EPC1: variants seen among roughly 807,000 people sequenced by gnomAD.
The protein encoded by EPC1 is enhancer of polycomb 1.
In EPC1, 12 loss-of-function variants were observed where a neutral mutation model predicts 98.4. The observed-to-expected ratio is 0.12, with a 90% CI of 0.08 to 0.20. EPC1 has a LOEUF of 0.20. Among genes scored for constraint, EPC1 ranks in the 10% least tolerant of loss-of-function variants. EPC1 has a pLI of 1.00. For missense variants in EPC1, 729 were observed against 990.5 expected (o/e 0.74, Z 3.54); for synonymous variants, 357 against 363.9 (o/e 0.98, Z 0.21).
At position 32,284,792 on chromosome 10, in the gene EPC1, A is replaced by G. The variant is rs1749883098; in HGVS notation, c.1650T>C (p.Tyr550=). ...DNDELSCRKL[Y]RSINRTGTAQ... The stretch of plus-strand genomic sequence containing the variant: ...CTGTTCCTGTTCGGTTTATACTCCT[A>G]TATAATTTTCTACAGGAGAGTTCAT... The change falls in exon 10 of 14, where the codon TAT becomes TAC. Residue 550 remains tyrosine (Y), a synonymous_variant. Coordinates refer to ENST00000319778, the MANE Select transcript of EPC1 (RefSeq NM_001272004.3). 5 of 1,614,132 alleles carry G rather than the reference A, an allele frequency of 3.1e-6. No homozygotes were observed. Among genetic ancestry groups the G allele is most frequent in the Non-Finnish European group, 1.7e-6 (2 of 1,179,996 alleles).
Position 32,269,087 on chromosome 10 carries a change from G to C in EPC1, c.2418C>G (p.Asn806Lys). 5.0e-6 allele frequency: 8 copies of C among 1,613,888 alleles called. No individual in the cohort carries two copies. Among genetic ancestry groups the C allele is most frequent in the Admixed American group, 1.7e-5 (1 of 60,002 alleles). Residue 806 changes from asparagine (N) to lysine (K), a missense_variant, in exon 14 of 14, where the codon AAC becomes AAG. Asn to Lys is a moderately conservative substitution (Grantham distance 94). Transcript: ENST00000319778. ...GCTACGTCACCTCCATCGCTACTGTGTTGTCTGCTATGTTGTTCAGTGCTG... is the reference window on the plus strand; with the variant it reads ...GCTACGTCACCTCCATCGCTACTGTCTTGTCTGCTATGTTGTTCAGTGCTG... ...EKPALNNIAD[N>K]TVAMEVT
chr10:32,369,545 T>C (rs1839691262), intron 1 of EPC1, among the ~76,000 whole-genome samples: 1 of 152,230 alleles, frequency 6.6e-6, no homozygotes, highest in Admixed American at 6.5e-5. Context: ...AAAAATTTAC[T>C]TGGGAAGACA....
chr10:32,354,186 A>G (rs1312892377), intron 1 of EPC1, among the ~76,000 whole-genome samples: 2 of 152,234 alleles, frequency 1.3e-5, no homozygotes, highest in Admixed American at 6.5e-5. Context: ...CAAATTATCA[A>G]TCTTAGCAAA....
At chr10:32,321,399 G>A (rs1476681177) in intron 1 of EPC1, among the ~76,000 whole-genome samples, 1 of 151,838 alleles carries the variant, frequency 6.6e-6, no homozygotes, top group Non-Finnish European at 1.5e-5. Flanking sequence ...AGGCTGGAGT[G>A]CAGTGGCTAT....
intron 10 of EPC1, among the ~76,000 whole-genome samples, chr10:32,275,926 G>C (rs1251742935): frequency 6.6e-6 from 1 of 150,674 alleles, no homozygotes; most frequent in Non-Finnish European, 1.5e-5. Flanking sequence ...GACAGAGTGA[G>C]ACTCCGTCTC....
Position 32,346,984 on chromosome 10 carries a change from G to A in EPC1, c.-69C>T. ...GGCCAGCGGGATCATGGAGAACCGG[G>A]GGTTCGGTCCCCACTCGCCAACCGC... On this transcript the variant is annotated 5_prime_UTR_variant, in exon 1 of 14. Coordinates refer to ENST00000319778, the MANE Select transcript of EPC1 (RefSeq NM_001272004.3). The A allele has an allele frequency of 6.3e-7, 1 of 1,584,144 alleles. No homozygotes were observed. Among genetic ancestry groups the A allele is most frequent in the South Asian group, 1.1e-5 (1 of 88,636 alleles).
chr10:32,298,328 T>G (rs1342091874), intron 2 of EPC1, among the ~76,000 whole-genome samples: 1 of 152,104 alleles, frequency 6.6e-6, no homozygotes, highest in Admixed American at 6.6e-5. Flanking sequence ...TCAAACAGCG[T>G]TTTAAAAATA....
At chr10:32,357,851 ATTTTTTTT>A (rs58968767) in intron 1 of EPC1, among the ~76,000 whole-genome samples, 5 of 124,588 alleles carry the variant, frequency 4.0e-5, no homozygotes, top group African/African-American at 1.6e-4. Flanking sequence ...TTCTCAATAA[ATTTTTTTT>A]TTTTTTTTTT....
chr10:32,297,171 T>C (rs1835216798), intron 2 of EPC1, among the ~76,000 whole-genome samples: 1 of 152,066 alleles, frequency 6.6e-6, no homozygotes, highest in African/African-American at 2.4e-5. Flanking sequence ...CTGGGTCATG[T>C]TATTGGATGT....
chr10:32,323,925 G>T (rs1486955248), intron 1 of EPC1, among the ~76,000 whole-genome samples: 3 of 152,006 alleles, frequency 2.0e-5, no homozygotes, highest in Admixed American at 2.0e-4. Context: ...ATTGTTATTA[G>T]AAATAGTTTA....
At position 32,273,428 on chromosome 10, in the gene EPC1, T is replaced by C. The variant is rs969331778; in HGVS notation, c.1745-147A>G. ...GATCCTGCTAAAGATCACTTCCAAA[T>C]GAAAATTTCTGCGTTTCTGCTACCA... On this transcript the variant is annotated intron_variant, in intron 10 of 13. Coordinates refer to ENST00000319778, the MANE Select transcript of EPC1 (RefSeq NM_001272004.3). 5.8e-6 allele frequency: 6 copies of C among 1,026,788 alleles called. No homozygotes were observed. In the East Asian group the frequency reaches 8.5e-5, roughly 15 times the overall value. 63.6% of individuals were successfully genotyped at this position (1,026,788 alleles called of 1,614,324 possible). A position where few individuals can be genotyped will look rare whatever the true frequency, so the allele number is the denominator to read the frequency against.
chr10:32,358,650 G>T (rs1034575798), intron 1 of EPC1, among the ~76,000 whole-genome samples: 1 of 149,298 alleles, frequency 6.7e-6, no homozygotes, highest in Non-Finnish European at 1.5e-5. Context: ...AAAAAAAAGC[G>T]GGGGCGGGGG....
At position 32,286,981 on chromosome 10, in the gene EPC1, T is replaced by C. The variant is rs1326797599; in HGVS notation, c.1187A>G (p.Asn396Ser). The change falls in exon 8 of 14, where the codon AAT becomes AGT. Residue 396 changes from asparagine to serine, a missense_variant. This residue lies in a region of EPC1 where 390 missense variants were observed against 438.6 expected (regional missense o/e 0.89). Transcript: ENST00000319778. ...GAAAGCAAAAGGACCATCAGGATCA[T>C]TGTCTTCCTCAGCTTCCGAAGAGCC... is the stretch of plus-strand genomic sequence containing the variant. ...LSGSSEAEED[N>S]DPDGPFAFRR... 3.1e-6 allele frequency: 5 copies of C among 1,614,038 alleles called. No homozygotes were observed. In the African/African-American group the frequency reaches 5.3e-5, roughly 17 times the overall value.
intron 1 of EPC1, among the ~76,000 whole-genome samples, chr10:32,327,693 TG>T (rs139618979): frequency 0.018 from 2,758 of 152,296 alleles, 82 homozygotes; most frequent in African/African-American, 0.062. Flanking sequence ...CTAGGCTATA[TG>T]GTATAGCTTA....
At chr10:32,278,169 T>C (rs188992491) in intron 10 of EPC1, among the ~76,000 whole-genome samples, 38 of 151,646 alleles carry the variant, frequency 2.5e-4, no homozygotes, top group African/African-American at 9.2e-4. Context: ...GCCTCTCAAG[T>C]AGCTGGGATT....
chr10:32,335,900 T>A (rs1837931725), intron 1 of EPC1, among the ~76,000 whole-genome samples: 1 of 152,068 alleles, frequency 6.6e-6, no homozygotes, highest in African/African-American at 2.4e-5. Flanking sequence ...CCTCCCGACT[T>A]GGTTTCACTC....
chr10:32,372,146 T>A (rs1349605467), intron 1 of EPC1, among the ~76,000 whole-genome samples: 1 of 152,120 alleles, frequency 6.6e-6, no homozygotes, highest in Non-Finnish European at 1.5e-5. Context: ...ACCAACAGCA[T>A]CTCATCATCT....
intron 1 of EPC1, among the ~76,000 whole-genome samples, chr10:32,328,744 T>C (rs1302206864): frequency 6.6e-6 from 1 of 152,170 alleles, no homozygotes; most frequent in Non-Finnish European, 1.5e-5. Flanking sequence ...GGGGGATTTC[T>C]GAATGGCGGT....
intron 1 of EPC1, among the ~76,000 whole-genome samples, chr10:32,346,101 C>A (rs1042230526): frequency 6.6e-6 from 1 of 152,218 alleles, no homozygotes; most frequent in Non-Finnish European, 1.5e-5. Context: ...GTCTTATCTT[C>A]TAGAAAAGTA....
Sources: allele counts gnomAD v4.1 joint callset (sites outside exome capture counted in the v4.1 genomes callset), GRCh38; gene constraint gnomAD v4.1.1; regional missense constraint gnomAD v4.1.1; transcripts MANE v1.5; gene names NCBI Gene and HGNC (gene_info 2026-07-23, HGNC 2026-07-21).